The following DCDC1 variants were observed in gnomAD, a reference collection of about 807,000 sequenced individuals.
DCDC1 encodes the protein doublecortin domain-containing protein 1.
A neutral mutation model predicts 178.3 loss-of-function variants in DCDC1; 200 were observed. That is an observed-to-expected ratio of 1.12 (90% CI 1.00 to 1.26). The LOEUF is 1.26. DCDC1 is among the 50% of genes most tolerant of loss of function. The probability of loss-of-function intolerance (pLI) is 0.00; values close to 1 mark genes in which losing one functional copy is unlikely to be tolerated. For missense variants in DCDC1, 1,983 were observed against 1,749.2 expected (o/e 1.13, Z -2.38); for synonymous variants, 690 against 604.8 (o/e 1.14, Z -2.07).
At position 30,878,637 on chromosome 11, in the gene DCDC1, T is replaced by C. The variant is rs1942360540; in HGVS notation, c.5308A>G (p.Ile1770Val). ...AGCTTCGTGGATGGTGACACCACAA[T>C]GTCTGTGGCTTGAGGGCCCTGCTGC... ...RRQQGPQATDIVVSPSTKLLS... is the reference protein window; with the variant it reads ...RRQQGPQATDVVVSPSTKLLS... The change falls in exon 38 of 39, where the codon ATT (isoleucine) becomes GTT (valine). Residue 1770 changes from isoleucine (I) to valine (V), a missense_variant. Ile to Val is a conservative substitution (Grantham distance 29). Transcript: ENST00000684477. 1 of 1,611,790 alleles carries C rather than the reference T, an allele frequency of 6.2e-7. No homozygotes were observed. The highest frequency in any genetic ancestry group is 8.5e-7 in the Non-Finnish European group (1 of 1,178,968).
intron 17 of DCDC1, among the ~76,000 whole-genome samples, chr11:31,079,385 T>G (rs1047685035): frequency 6.6e-6 from 1 of 152,184 alleles, no homozygotes; most frequent in African/African-American, 2.4e-5. Context: ...TGTTCATGTG[T>G]ATCCTTTATC....
At chr11:30,905,499 A>G (rs1944996172) in intron 30 of DCDC1, among the ~76,000 whole-genome samples, 1 of 152,168 alleles carries the variant, frequency 6.6e-6, no homozygotes. Flanking sequence ...CACTAACATT[A>G]TGGATAGCCT....
At chr11:31,251,842 C>G (rs985468534) in intron 8 of DCDC1, among the ~76,000 whole-genome samples, 3 of 151,964 alleles carry the variant, frequency 2.0e-5, no homozygotes, top group African/African-American at 2.4e-5. Context: ...TGATAAGGTA[C>G]TGGGGCATGA....
chr11:31,272,827 G>T (rs909760992), intron 7 of DCDC1, among the ~76,000 whole-genome samples: 1 of 152,216 alleles, frequency 6.6e-6, no homozygotes, highest in African/African-American at 2.4e-5. Flanking sequence ...CATGGTGCAA[G>T]TTGTCAGTGG....
intron 20 of DCDC1, among the ~76,000 whole-genome samples, chr11:30,995,410 T>G (rs1022657192): frequency 1.3e-5 from 2 of 152,142 alleles, no homozygotes; most frequent in African/African-American, 2.4e-5. Context: ...GACAAGCTGG[T>G]TCTAAAAGTT....
chr11:31,158,970 C>G (rs1966025501), intron 9 of DCDC1, among the ~76,000 whole-genome samples: 1 of 151,134 alleles, frequency 6.6e-6, no homozygotes, highest in African/African-American at 2.4e-5. Flanking sequence ...AATATACCAA[C>G]AAAAAACATA....
chr11:31,091,642 A>G, intron 16 of DCDC1, 131 bp from the exon 17 acceptor site: 2 of 609,214 alleles, frequency 3.3e-6, no homozygotes, highest in Non-Finnish European at 5.9e-6. Flanking sequence ...TGAAAGTGAA[A>G]CACTACCCAC....
At chr11:31,282,165 G>A (rs1946488586) in intron 7 of DCDC1, among the ~76,000 whole-genome samples, 1 of 151,848 alleles carries the variant, frequency 6.6e-6, no homozygotes. Flanking sequence ...TCTCATGAAA[G>A]GTTGATAAAA....
intron 8 of DCDC1, among the ~76,000 whole-genome samples, chr11:31,263,905 T>C (rs532356196): frequency 1.8e-4 from 28 of 152,346 alleles, no homozygotes; most frequent in African/African-American, 5.5e-4. Context: ...CAATAACATA[T>C]TTAAACTCAC....
intron 20 of DCDC1, among the ~76,000 whole-genome samples, chr11:30,977,916 C>T (rs898280883): frequency 1.8e-4 from 27 of 152,152 alleles, no homozygotes; most frequent in East Asian, 3.9e-4. Context: ...GGTGACAGAC[C>T]GAGACCCTGT....
intron 2 of DCDC1, among the ~76,000 whole-genome samples, chr11:31,334,677 C>T (rs574179748): frequency 3.9e-5 from 6 of 152,322 alleles, no homozygotes; most frequent in South Asian, 2.1e-4. Flanking sequence ...TGGAAGTCCA[C>T]TCCAGACCAT....
chr11:31,202,059 C>T (rs1047371346), intron 9 of DCDC1, among the ~76,000 whole-genome samples: 2 of 152,076 alleles, frequency 1.3e-5, no homozygotes, highest in Non-Finnish European at 2.9e-5. Context: ...GTGAATTTTT[C>T]ATCTTCCTCC....
intron 9 of DCDC1, among the ~76,000 whole-genome samples, chr11:31,233,448 C>CTCAACACTTCA (rs1976068554): frequency 6.6e-6 from 1 of 152,142 alleles, no homozygotes; most frequent in Admixed American, 6.6e-5. Context: ...ATATGTGGTA[C>CTCAACACTTCA]TCAACACTTC....
At chr11:31,213,025 G>C (rs1972805247) in intron 9 of DCDC1, among the ~76,000 whole-genome samples, 2 of 145,976 alleles carry the variant, frequency 1.4e-5, no homozygotes, top group Admixed American at 7.0e-5. Context: ...CTCCTCACTT[G>C]CTCTTCCTTA....
At chr11:31,189,136 G>A (rs983045365) in intron 9 of DCDC1, among the ~76,000 whole-genome samples, 2 of 152,082 alleles carry the variant, frequency 1.3e-5, no homozygotes, top group African/African-American at 2.4e-5. Context: ...TCAGTCTAAG[G>A]TGTTTTTGTT....
At position 30,941,993 on chromosome 11, in the gene DCDC1, A is replaced by C. The variant is rs568825495; in HGVS notation, c.2716-10041T>G. Reference sequence around the variant, plus strand: ...CAGCGACAAACAATAAGGGTGACTTAACACAATTCTAAATAAGAAAAATTT... The same window carrying C: ...CAGCGACAAACAATAAGGGTGACTTCACACAATTCTAAATAAGAAAAATTT... On this transcript the variant is annotated intron_variant, in intron 21 of 38. Coordinates refer to ENST00000684477, the MANE Select transcript of DCDC1 (RefSeq NM_001387274.1). Among the ~76,000 whole-genome samples the C allele has an allele frequency of 3.2e-4, 49 of 152,306 alleles. No individual in the cohort carries two copies. The Middle Eastern group carries it at 0.01, about 32-fold the overall frequency.
chr11:30,994,729 T>A (rs1318575896), intron 20 of DCDC1, among the ~76,000 whole-genome samples: 2 of 144,356 alleles, frequency 1.4e-5, no homozygotes, highest in African/African-American at 2.5e-5. Context: ...TTATAATATA[T>A]TATATATTTA....
At chr11:31,088,326 C>T (rs917480555) in intron 17 of DCDC1, among the ~76,000 whole-genome samples, 3 of 152,010 alleles carry the variant, frequency 2.0e-5, no homozygotes, top group Non-Finnish European at 2.9e-5. Flanking sequence ...TATTGATACA[C>T]GTGGCTTTAA....
chr11:31,228,829 A>C (rs1471593552), intron 9 of DCDC1, among the ~76,000 whole-genome samples: 2 of 152,102 alleles, frequency 1.3e-5, no homozygotes, highest in Admixed American at 1.3e-4. Flanking sequence ...AAACTACTAA[A>C]GATCAAAAAT....
Sources: gnomAD v4.1 joint callset for allele counts (sites outside exome capture counted in the v4.1 genomes callset) on GRCh38, gnomAD v4.1.1 for gene constraint, MANE v1.5 for transcripts, NCBI Gene and HGNC (gene_info 2026-07-23, HGNC 2026-07-21) for gene names.